Variants in DHRS13 observed in about 807,000 individuals in gnomAD.
DHRS13 encodes dehydrogenase/reductase SDR family member 13.
A neutral mutation model predicts 17.9 loss-of-function variants in DHRS13; 22 were observed. The ratio of observed to expected loss-of-function variants is 1.23; its 90% CI spans 0.88 to 1.75. The LOEUF is 1.75. Ranked by LOEUF, DHRS13 falls within the 40% of genes most tolerant of loss-of-function variation. The pLI is 0.00. For missense variants in DHRS13, 483 were observed against 519.9 expected (o/e 0.93, Z 0.69); for synonymous variants, 206 against 220.4 (o/e 0.93, Z 0.58).
Position 28,898,421 on chromosome 17 carries a change from C to T in DHRS13, c.*20G>A, listed in dbSNP as rs1369072708. ...TTTCAAGGACCATGAAGTGCCATGG[C>T]AAGCATCCTGGCCTGAGGGTTAGGA... On this transcript the variant is annotated 3_prime_UTR_variant, in exon 5 of 5. Transcript: ENST00000378895. The T allele has an allele frequency of 6.5e-7, 1 of 1,545,042 alleles. No individual in the cohort carries two copies. The highest frequency in any genetic ancestry group is 1.4e-5 in the African/African-American group (1 of 72,422).
chr17:28,899,545 CAGAGTA>C lies in DHRS13; in HGVS notation c.683-659_683-654del, dbSNP rs895825292. 6.6e-6 allele frequency: 1 copy of C among 152,304 alleles called. No homozygotes were observed. Among genetic ancestry groups the C allele is most frequent in the Non-Finnish European group, 1.5e-5 (1 of 68,100 alleles). The allele number at this position is 152,304 out of a possible 1,614,324, so 9.4% of individuals were successfully genotyped here. A position where few individuals can be genotyped will look rare whatever the true frequency, so the allele number is the denominator to read the frequency against. On this transcript the variant is annotated intron_variant, in intron 4 of 4. Transcript: ENST00000378895. The surrounding 1 kb of genome is among the most constrained non-coding windows in gnomAD (Gnocchi z 4.7). Reference sequence around the variant, plus strand: ...GCTCTGGATCCCCAATTATCTCACTCAGAGTAAAAGCCAGAATGCCTATAGTGAACC... The same window carrying C: ...GCTCTGGATCCCCAATTATCTCACTCAAAGCCAGAATGCCTATAGTGAACC...
rs1450730789 is a variant in DHRS13, at chr17:28,898,752, C to T, written c.823G>A (p.Glu275Lys). ...PLYCALQEGI[E>K]PLSGRYFANC... is the part of the protein sequence containing the mutation. ...GCAAAATATCTCCCACTGAGGGGCT[C>T]GATGCCCTCTTGTAGAGCACAATAC... The change falls in exon 5 of 5, where the codon GAG (glutamate) becomes AAG (lysine). Residue 275 changes from glutamate (E) to lysine (K), a missense_variant. Transcript: ENST00000378895. 6.2e-6 allele frequency: 10 copies of T among 1,613,812 alleles called. No individual in the cohort carries two copies. Among genetic ancestry groups the T allele is most frequent in the East Asian group, 2.2e-5 (1 of 44,866 alleles).
chr17:28,898,771 A>C lies in DHRS13; in HGVS notation c.804T>G (p.Cys268Trp), dbSNP rs1320730996. 9.9e-6 allele frequency: 16 copies of C among 1,613,344 alleles called. No homozygotes were observed. Among genetic ancestry groups the C allele is most frequent in the African/African-American group, 1.3e-5 (1 of 74,924 alleles). ...PRGGAQTPLY[C>W]ALQEGIEPLS... is the part of the protein sequence containing the mutation. ...GGGGCTCGATGCCCTCTTGTAGAGC[A>C]CAATACAGGGGTGTCTGGGCACCCC... The change falls in exon 5 of 5, where the codon TGT (cysteine) becomes TGG (tryptophan). Residue 268 changes from cysteine (C) to tryptophan (W), a missense_variant. Physicochemically the swap from Cys to Trp is radical, Grantham distance 215. Transcript: ENST00000378895.
In DHRS13 at chr17:28,899,850, G is replaced by A. The variant is rs1294077421; in HGVS notation, c.683-958C>T. Among the ~76,000 whole-genome samples, 2 of 152,134 alleles carry A rather than the reference G, an allele frequency of 1.3e-5. No individual in the cohort carries two copies. The highest frequency in any genetic ancestry group is 3.8e-4 in the East Asian group (2 of 5,202). On this transcript the variant is annotated intron_variant, in intron 4 of 4. Transcript: ENST00000378895. This position sits in a 1 kb window ranked among gnomAD's most constrained non-coding sequence, Gnocchi z 4.7. The stretch of plus-strand genomic sequence containing the variant: ...AGCCTCCTGAATAGCTGGGACTACA[G>A]GTGATAGCCACAATGCCTAGCTAAT...
At chr17:28,900,214 A>G (rs1373065714) in intron 4 of DHRS13, among the ~76,000 whole-genome samples, 1 of 152,036 alleles carries the variant, frequency 6.6e-6, no homozygotes, top group African/African-American at 2.4e-5. Flanking sequence ...CCCAGCCTAG[A>G]GATGGGGTTT....
chr17:28,898,481 C>A lies in DHRS13; in HGVS notation c.1094G>T (p.Arg365Leu), dbSNP rs369671460. The A allele has an allele frequency of 1.8e-5, 28 of 1,577,768 alleles. No homozygotes were observed. The highest frequency in any genetic ancestry group is 2.3e-5 in the Non-Finnish European group (27 of 1,161,152). Residue 365 changes from arginine to leucine, a missense_variant, in exon 5 of 5, where the codon CGA becomes CTA. Arg to Leu is a moderately radical substitution (Grantham distance 102, BLOSUM62 -2). Coordinates refer to ENST00000378895, the MANE Select transcript of DHRS13 (RefSeq NM_144683.4). ...SSPDLSKMTHRIQAKVEPEIQ... is the reference protein window; with the variant it reads ...SSPDLSKMTHLIQAKVEPEIQ... ...CTCAGGCTCAACTTTAGCCTGAATT[C>A]GGTGCGTCATCTTAGACAAATCTGG...
In DHRS13 at chr17:28,902,074, C is replaced by T. The variant is rs1282899858; in HGVS notation, c.247-458G>A. ...CACGCAGCCACAAAGGAGTTCCTTC[C>T]AAAGGCTATTCTGACAGTCCGGAGC... On this transcript the variant is annotated intron_variant, in intron 2 of 4. Coordinates refer to ENST00000378895, the MANE Select transcript of DHRS13 (RefSeq NM_144683.4). The surrounding 1 kb of genome is among the most constrained non-coding windows in gnomAD (Gnocchi z 4.0). The T allele has an allele frequency of 3.4e-5, 6 of 175,794 alleles. No homozygotes were observed. Among genetic ancestry groups the T allele is most frequent in the African/African-American group, 1.4e-4 (6 of 41,828 alleles). 10.9% of individuals were successfully genotyped at this position (175,794 alleles called of 1,614,324 possible).
In DHRS13 at chr17:28,899,270, C is replaced by T. The variant is rs1244324417; in HGVS notation, c.683-378G>A. ...TCTGAAACAATTCTCAGTCTCTCTCCATCTTTTCTTCTAGCTCAAGTCCTG... is the reference window on the plus strand; with the variant it reads ...TCTGAAACAATTCTCAGTCTCTCTCTATCTTTTCTTCTAGCTCAAGTCCTG... On this transcript the variant is annotated intron_variant, in intron 4 of 4. Coordinates refer to ENST00000378895, the MANE Select transcript of DHRS13 (RefSeq NM_144683.4). This position sits in a 1 kb window ranked among gnomAD's most constrained non-coding sequence, Gnocchi z 4.7. 3 of 191,344 alleles carry T rather than the reference C, an allele frequency of 1.6e-5. No individual in the cohort carries two copies. Among genetic ancestry groups the T allele is most frequent in the African/African-American group, 2.4e-5 (1 of 41,952 alleles). 11.9% of individuals were successfully genotyped at this position (191,344 alleles called of 1,614,324 possible). A position where few individuals can be genotyped will look rare whatever the true frequency, so the allele number is the denominator to read the frequency against.
intron 4 of DHRS13, among the ~76,000 whole-genome samples, chr17:28,900,520 G>A (rs1343058263): frequency 6.6e-6 from 1 of 151,972 alleles, no homozygotes; most frequent in East Asian, 1.9e-4. Context: ...ACCCCTCATC[G>A]TATATATTTA....
rs2039779146 is a variant in DHRS13, at chr17:28,898,548, C to T, written c.1027G>A (p.Glu343Lys). ...PSSLSTPHPE[E>K]PTVSQPYPSP... The stretch of plus-strand genomic sequence containing the variant: ...GGGTAAGGTTGAGAAACTGTGGGCT[C>T]CTCAGGGTGGGGGGTGCTTAGAGAA... The change falls in exon 5 of 5, where the codon GAG becomes AAG. Residue 343 changes from glutamate (E) to lysine (K), a missense_variant. Coordinates refer to ENST00000378895, the MANE Select transcript of DHRS13 (RefSeq NM_144683.4). 1 of 1,611,874 alleles carries T rather than the reference C, an allele frequency of 6.2e-7. No individual in the cohort carries two copies. Among genetic ancestry groups the T allele is most frequent in the Admixed American group, 1.7e-5 (1 of 59,396 alleles).
rs4795472 is a variant in DHRS13, at chr17:28,898,568, A to T, written c.1007T>A (p.Leu336Gln). 0.12 allele frequency: 192,623 copies of T among 1,611,594 alleles called. 12,298 individuals are homozygous for T. Among genetic ancestry groups the T allele is most frequent in the African/African-American group, 0.19 (14,490 of 74,744 alleles). The change falls in exon 5 of 5, where the codon CTA (leucine) becomes CAA (glutamine). Residue 336 changes from leucine to glutamine, a missense_variant. By Grantham distance (113) the Leu-to-Gln change is moderately radical. Transcript: ENST00000378895. ...QSEDSEAPSS[L>Q]STPHPEEPTV... The stretch of plus-strand genomic sequence containing the variant: ...GGGCTCCTCAGGGTGGGGGGTGCTT[A>T]GAGAAGATGGGGCCTCTGAGTCCTC...
Position 28,899,146 on chromosome 17 carries a change from C to T in DHRS13, c.683-254G>A, listed in dbSNP as rs1014769817. 5.5e-5 allele frequency: 22 copies of T among 401,788 alleles called. No homozygotes were observed. The highest frequency in any genetic ancestry group is 7.1e-5 in the Non-Finnish European group (16 of 225,962). The allele number at this position is 401,788 out of a possible 1,614,324, so 24.9% of individuals were successfully genotyped here. A position where few individuals can be genotyped will look rare whatever the true frequency, so the allele number is the denominator to read the frequency against. On this transcript the variant is annotated intron_variant, in intron 4 of 4. Coordinates refer to ENST00000378895, the MANE Select transcript of DHRS13 (RefSeq NM_144683.4). This position sits in a 1 kb window ranked among gnomAD's most constrained non-coding sequence, Gnocchi z 4.7. ...ATTTACCAGGCATTCGGGGCTTCTG[C>T]GAGGTGACTTCACTCATTTCCTGCA... is the stretch of plus-strand genomic sequence containing the variant.
chr17:28,898,453 G>A lies in DHRS13; in HGVS notation c.1122C>T (p.Ile374=), dbSNP rs2039777715. Residue 374 remains isoleucine, a synonymous_variant, in exon 5 of 5, where the codon ATC becomes ATT. Coordinates refer to ENST00000378895, the MANE Select transcript of DHRS13 (RefSeq NM_144683.4). Reference sequence around the variant, plus strand: ...CCTGGCCTGAGGGTTAGGAGAGCTGGATCTCAGGCTCAACTTTAGCCTGAA... The same window carrying A: ...CCTGGCCTGAGGGTTAGGAGAGCTGAATCTCAGGCTCAACTTTAGCCTGAA... ...HRIQAKVEPE[I]QLS is the part of the protein sequence containing the mutation. 1.0e-5 allele frequency: 16 copies of A among 1,556,992 alleles called. No individual in the cohort carries two copies. The highest frequency in any genetic ancestry group is 1.3e-5 in the Non-Finnish European group (15 of 1,149,846).
In DHRS13 at chr17:28,901,791, G is replaced by T; in HGVS notation, c.247-175C>A. 1.9e-6 allele frequency: 2 copies of T among 1,056,038 alleles called. No homozygotes were observed. The highest frequency in any genetic ancestry group is 2.6e-6 in the Non-Finnish European group (2 of 756,590). 65.4% of individuals were successfully genotyped at this position (1,056,038 alleles called of 1,614,324 possible). ...TCCTGACTTTGCCTTTTACTAAAGT[G>T]TGACCTTGGGCAAGATACTTAATCT... On this transcript the variant is annotated intron_variant, in intron 2 of 4. Transcript: ENST00000378895. The surrounding 1 kb of genome is among the most constrained non-coding windows in gnomAD (Gnocchi z 4.3).
At chr17:28,900,930 G>A in intron 4 of DHRS13, 60 bp downstream of exon 4, 3 of 1,516,466 alleles carry the variant, frequency 2.0e-6, no homozygotes, top group Non-Finnish European at 2.7e-6. Context: ...GTGGTGTGGG[G>A]GGCACAGGAT....
Position 28,902,383 on chromosome 17 carries a change from T to C in DHRS13, c.246+200A>G, listed in dbSNP as rs903014970. ...ACGTCTCAGAACTGCAATTACGGCC[T>C]TCAGGAAGCCCCTCCCCCACTCGGC... On this transcript the variant is annotated intron_variant, in intron 2 of 4. Transcript: ENST00000378895. This position sits in a 1 kb window ranked among gnomAD's most constrained non-coding sequence, Gnocchi z 4.0. Among the ~76,000 whole-genome samples, 1 of 152,174 alleles carries C rather than the reference T, an allele frequency of 6.6e-6. No homozygotes were observed. The highest frequency in any genetic ancestry group is 2.4e-5 in the African/African-American group (1 of 41,434).
Position 28,902,480 on chromosome 17 carries a change from G to T in DHRS13, c.246+103C>A. On this transcript the variant is annotated intron_variant, in intron 2 of 4. Coordinates refer to ENST00000378895, the MANE Select transcript of DHRS13 (RefSeq NM_144683.4). The surrounding 1 kb of genome is among the most constrained non-coding windows in gnomAD (Gnocchi z 4.0). ...CTTCGCGCTCAGCCGCCCGCGCCGC[G>T]CTCTCCTCCCTGGACCCGGATCCTC... 1 of 1,187,540 alleles carries T rather than the reference G, an allele frequency of 8.4e-7. No individual in the cohort carries two copies. The highest frequency in any genetic ancestry group is 1.1e-6 in the Non-Finnish European group (1 of 911,424). The allele number at this position is 1,187,540 out of a possible 1,614,324, so 73.6% of individuals were successfully genotyped here. A position where few individuals can be genotyped will look rare whatever the true frequency, so the allele number is the denominator to read the frequency against.
chr17:28,901,777 C>T lies in DHRS13; in HGVS notation c.247-161G>A. The T allele has an allele frequency of 1.7e-5, 22 of 1,270,048 alleles. No individual in the cohort carries two copies. The highest frequency in any genetic ancestry group is 2.3e-5 in the Non-Finnish European group (22 of 950,012). 78.7% of individuals were successfully genotyped at this position (1,270,048 alleles called of 1,614,324 possible). The stretch of plus-strand genomic sequence containing the variant: ...TGTGTGGATTCAAATCCTGACTTTG[C>T]CTTTTACTAAAGTGTGACCTTGGGC... On this transcript the variant is annotated intron_variant, in intron 2 of 4. Coordinates refer to ENST00000378895, the MANE Select transcript of DHRS13 (RefSeq NM_144683.4). This position sits in a 1 kb window ranked among gnomAD's most constrained non-coding sequence, Gnocchi z 4.3.
In DHRS13 at chr17:28,902,902, A is replaced by G; in HGVS notation, c.43T>C (p.Tyr15His). The G allele has an allele frequency of 6.4e-7, 1 of 1,554,766 alleles. No individual in the cohort carries two copies. Residue 15 changes from tyrosine (Y) to histidine (H), a missense_variant, in exon 1 of 5, where the codon TAC becomes CAC. Physicochemically the swap from Tyr to His is moderately conservative, Grantham distance 83 (BLOSUM62 2). Transcript: ENST00000378895. This position sits in a 1 kb window ranked among gnomAD's most constrained non-coding sequence, Gnocchi z 4.0. ...ACCAGGTTGTAGTAGACAAGCACGT[A>G]AGCGCCCAGCAGCAACCCCGCGCCC... ...LLGAGLLLGA[Y>H]VLVYYNLVKA...
Sources: gnomAD v4.1 joint callset for allele counts (sites outside exome capture counted in the v4.1 genomes callset) on GRCh38, gnomAD v4.1.1 for gene constraint, Gnocchi (gnomAD v3.1) non-coding constraint, MANE v1.5 for transcripts, NCBI Gene and HGNC (gene_info 2026-07-23, HGNC 2026-07-21) for gene names.